The following CA11 variants were observed in gnomAD, a reference collection of about 807,000 sequenced individuals.
CA11 encodes carbonic anhydrase 11 (inactive).
CA11 carries 20 observed loss-of-function variants against 39.3 expected under a neutral mutation model. The ratio of observed to expected loss-of-function variants is 0.51; its 90% confidence interval spans 0.36 to 0.74. The LOEUF (loss-of-function observed/expected upper bound fraction) is 0.74. Among genes scored for constraint, CA11 ranks in the 30% least tolerant of loss-of-function variants. The pLI, the probability that CA11 is intolerant of heterozygous loss-of-function variation, is 0.00. For missense variants in CA11, 336 were observed against 424.6 expected (o/e 0.79, Z 1.83); for synonymous variants, 166 against 172.5 (o/e 0.96, Z 0.29).
chr19:48,639,395 G>C lies in CA11; in HGVS notation c.705C>G (p.Ile235Met). 6.2e-7 allele frequency: 1 copy of C among 1,613,860 alleles called. No homozygotes were observed. The highest frequency in any genetic ancestry group is 1.7e-5 in the Admixed American group (1 of 60,016). Reference protein sequence around the residue: ...ELLFPESFGFITYQGSLSTPP... With the variant: ...ELLFPESFGFMTYQGSLSTPP... Reference sequence around the variant, plus strand: ...GGGTGCTGAGAGAGCCCTGATAGGTGATGAAGCCGAAGGATTCAGGGAACA... The same window carrying C: ...GGGTGCTGAGAGAGCCCTGATAGGTCATGAAGCCGAAGGATTCAGGGAACA... Residue 235 changes from isoleucine to methionine, a missense_variant, in exon 7 of 9, where the codon ATC (isoleucine) becomes ATG (methionine). Ile to Met is a conservative substitution (Grantham distance 10, BLOSUM62 1). Coordinates refer to ENST00000084798, the MANE Select transcript of CA11 (RefSeq NM_001217.5).
Position 48,645,604 on chromosome 19 carries a change from G to A in CA11, c.29C>T (p.Pro10Leu). The change falls in exon 1 of 9, where the codon CCT becomes CTT. Residue 10 changes from proline (P) to leucine (L), a missense_variant. Coordinates refer to ENST00000084798, the MANE Select transcript of CA11 (RefSeq NM_001217.5). ...TGCAGCCCAGAGTACCAGCGCTCGA[G>A]GGGCGCTCAGACGAGCTGCAGCCCC... MGAAARLSA[P>L]RALVLWAALG... The A allele has an allele frequency of 6.2e-7, 1 of 1,601,974 alleles. No individual in the cohort carries two copies. Among genetic ancestry groups the A allele is most frequent in the Non-Finnish European group, 8.5e-7 (1 of 1,174,712 alleles).
At chr19:48,639,731 G>A (rs1337040560) in intron 5 of CA11, 57 bp downstream of exon 5, 1 of 1,592,392 alleles carries the variant, frequency 6.3e-7, no homozygotes, top group East Asian at 2.2e-5. Flanking sequence ...GCTTCCCTCA[G>A]ACCCCGGGTT....
chr19:48,639,187 C>G (rs1293040410), intron 7 of CA11, 118 bp downstream of exon 7: 22 of 1,522,904 alleles, frequency 1.4e-5, no homozygotes, highest in Non-Finnish European at 1.9e-5. Flanking sequence ...GGTGGTCTGA[C>G]CCTCTTACCT....
chr19:48,639,311 G>A lies in CA11; in HGVS notation c.789C>T (p.Ser263=), dbSNP rs1210546884. The part of the protein sequence containing the change: ...ILIDRALNIT[S]LQMHSLRLLS... Reference sequence around the variant, plus strand: ...GGTGCGGACAGAGGGTCACCTGAAGGGAGGTGATATTGAGGGCCCGGTCAA... The same window carrying A: ...GGTGCGGACAGAGGGTCACCTGAAGAGAGGTGATATTGAGGGCCCGGTCAA... Residue 263 remains serine, a synonymous_variant, in exon 7 of 9, where the codon TCC becomes TCT. Transcript: ENST00000084798. 6.2e-7 allele frequency: 1 copy of A among 1,613,534 alleles called. No individual in the cohort carries two copies. The highest frequency in any genetic ancestry group is 2.2e-5 in the East Asian group (1 of 44,874).
Position 48,644,411 on chromosome 19 carries a change from C to A in CA11, c.285+16G>T. 6.4e-7 allele frequency: 1 copy of A among 1,555,592 alleles called. No individual in the cohort carries two copies. Among genetic ancestry groups the A allele is most frequent in the South Asian group, 1.2e-5 (1 of 83,702 alleles). ...TCCCCAGTGGGTTCAATAGCTCCTC[C>A]CTCCAAGCCCCTTACCTTCTCTCCT... On this transcript the variant is annotated intron_variant, in intron 3 of 8. Transcript: ENST00000084798.
At chr19:48,638,858 G>A in intron 8 of CA11, 30 bp downstream of exon 8, 1 of 1,532,532 alleles carries the variant, frequency 6.5e-7, no homozygotes, top group East Asian at 2.3e-5. Context: ...GTTAGCCCAA[G>A]ACTTAGAGGG....
chr19:48,640,120 A>G lies in CA11; in HGVS notation c.446T>C (p.Ile149Thr). 1.9e-6 allele frequency: 3 copies of G among 1,613,810 alleles called. No individual in the cohort carries two copies. The African/African-American group carries it at 4.0e-5, about 22-fold the overall frequency. Residue 149 changes from isoleucine (I) to threonine (T), a missense_variant, in exon 4 of 9, where the codon ATC becomes ACC. Coordinates refer to ENST00000084798, the MANE Select transcript of CA11 (RefSeq NM_001217.5). ...ARDGAGSEHQ[I>T]NHQGFSAEVQ... ...CTCAGCAGAGAAGCCCTGGTGGTTGATCTGATGTTCCGAGCCGGCTCCGTC... is the reference window on the plus strand; with the variant it reads ...CTCAGCAGAGAAGCCCTGGTGGTTGGTCTGATGTTCCGAGCCGGCTCCGTC...
intron 8 of CA11, chr19:48,638,413 C>G: frequency 1.0e-6 from 1 of 970,622 alleles, no homozygotes; most frequent in Non-Finnish European, 1.2e-6. Flanking sequence ...GTTGCGAAGC[C>G]GGGGGTGTGT....
At position 48,644,534 on chromosome 19, in the gene CA11, TCCACGCTGCATTCA is replaced by T. The variant is rs1395798847; in HGVS notation, c.164_177del (p.Val55GlufsTer22). 6.2e-7 allele frequency: 1 copy of T among 1,607,832 alleles called. No homozygotes were observed. Among genetic ancestry groups the T allele is most frequent in the South Asian group, 1.1e-5 (1 of 90,328 alleles). ...TGCCGCTTCCCCACAGCACACAGAC[TCCACGCTGCATTCA>T]CCAGGCCCCAGAAAGGAGGCCCTGG... On this transcript the variant is annotated frameshift_variant, in exon 3 of 9. Coordinates refer to ENST00000084798, the MANE Select transcript of CA11 (RefSeq NM_001217.5). LOFTEE classifies it high-confidence loss of function.
At chr19:48,640,742 T>A (rs2031054553) in intron 3 of CA11, among the ~76,000 whole-genome samples, 1 of 149,760 alleles carries the variant, frequency 6.7e-6, no homozygotes, top group African/African-American at 2.5e-5. Context: ...TGGCGAGAGC[T>A]CCGCTCACTG....
At position 48,640,143 on chromosome 19, in the gene CA11, G is replaced by A. The variant is rs753451569; in HGVS notation, c.423C>T (p.Asp141=). Residue 141 remains aspartate, a synonymous_variant, in exon 4 of 9, where the codon GAC becomes GAT. Transcript: ENST00000084798. ...SELRLLFGAR[D]GAGSEHQINH... Reference sequence around the variant, plus strand: ...TGATCTGATGTTCCGAGCCGGCTCCGTCGCGAGCTCCAAACAGCAGCCGCA... The same window carrying A: ...TGATCTGATGTTCCGAGCCGGCTCCATCGCGAGCTCCAAACAGCAGCCGCA... The A allele has an allele frequency of 7.4e-6, 12 of 1,614,050 alleles. No individual in the cohort carries two copies. Among genetic ancestry groups the A allele is most frequent in the East Asian group, 2.2e-5 (1 of 44,874 alleles).
At chr19:48,639,964 T>C in intron 4 of CA11, 81 bp from the exon 5 acceptor site, 2 of 1,511,292 alleles carry the variant, frequency 1.3e-6, no homozygotes, top group East Asian at 2.3e-5. Context: ...CGAATCAGGC[T>C]GAGGATTAGT....
At chr19:48,638,294 C>G in intron 8 of CA11, 150 bp from the exon 9 acceptor site, 2 of 1,197,268 alleles carry the variant, frequency 1.7e-6, no homozygotes, top group Middle Eastern at 6.6e-4. Flanking sequence ...AAGCACTGGG[C>G]TGAACCACAA....
At position 48,643,965 on chromosome 19, in the gene CA11, C is replaced by T. The variant is rs950267745; in HGVS notation, c.285+462G>A. Among the ~76,000 whole-genome samples, 6 of 151,984 alleles carry T rather than the reference C, an allele frequency of 3.9e-5. No homozygotes were observed. Among genetic ancestry groups the T allele is most frequent in the South Asian group, 4.2e-4 (2 of 4,814 alleles). On this transcript the variant is annotated intron_variant, in intron 3 of 8. Coordinates refer to ENST00000084798, the MANE Select transcript of CA11 (RefSeq NM_001217.5). This position sits in a 1 kb window ranked among gnomAD's most constrained non-coding sequence, Gnocchi z 4.3. ...AAAAAATTAGCTGGGCGTGATGGTGCGCATGCCTGTAATCCCAACTACTCG... is the reference window on the plus strand; with the variant it reads ...AAAAAATTAGCTGGGCGTGATGGTGTGCATGCCTGTAATCCCAACTACTCG...
Position 48,639,353 on chromosome 19 carries a change from A to G in CA11, c.747T>C (p.Thr249=). 1 of 1,613,732 alleles carries G rather than the reference A, an allele frequency of 6.2e-7. No homozygotes were observed. The highest frequency in any genetic ancestry group is 8.5e-7 in the Non-Finnish European group (1 of 1,179,954). Residue 249 remains threonine, a synonymous_variant, in exon 7 of 9, where the codon ACT becomes ACC. Transcript: ENST00000084798. ...GSLSTPPCSE[T]VTWILIDRAL... ...CCCGGTCAATGAGGATCCAGGTGAC[A>G]GTCTCGGAGCAGGGCGGGGTGCTGA... is the stretch of plus-strand genomic sequence containing the variant.
chr19:48,641,823 CTTTTTTTT>C (rs71179023), intron 3 of CA11, among the ~76,000 whole-genome samples: 1 of 92,290 alleles, frequency 1.1e-5, no homozygotes, highest in African/African-American at 4.0e-5. Context: ...TTTCAATTTT[CTTTTTTTT>C]TTTTTTTTTT....
chr19:48,646,034 C>A lies in CA11; in HGVS notation c.-402G>T. The A allele has an allele frequency of 2.6e-6, 1 of 391,672 alleles. No homozygotes were observed. The highest frequency in any genetic ancestry group is 4.5e-6 in the Non-Finnish European group (1 of 221,138). 24.3% of individuals were successfully genotyped at this position (391,672 alleles called of 1,614,324 possible). ...AGGTCTCCATCCCGCATCTCCTCCT[C>A]CTCCTCCCTCTCTCCTTTCCAGCTC... On this transcript the variant is annotated 5_prime_UTR_variant, in exon 1 of 9. Coordinates refer to ENST00000084798, the MANE Select transcript of CA11 (RefSeq NM_001217.5).
chr19:48,639,229 CAG>C, intron 7 of CA11, 74 bp downstream of exon 7: 1 of 1,570,906 alleles, frequency 6.4e-7, no homozygotes, highest in Admixed American at 1.7e-5. Context: ...AGAGGGAGGG[CAG>C]GTGAGCAAGG....
chr19:48,640,385 T>G, intron 3 of CA11, 105 bp from the exon 4 acceptor site: 1 of 1,032,672 alleles, frequency 9.7e-7, no homozygotes, highest in East Asian at 2.6e-5. Flanking sequence ...TTTTTTTTTT[T>G]TTTTTTGAAA....
Sources: gnomAD v4.1 joint callset for allele counts (sites outside exome capture counted in the v4.1 genomes callset) on GRCh38, gnomAD v4.1.1 for gene constraint, Gnocchi (gnomAD v3.1) non-coding constraint, MANE v1.5 for transcripts, NCBI Gene and HGNC (gene_info 2026-07-23, HGNC 2026-07-21) for gene names.